Variants in MBTD1 observed in about 807,000 individuals in gnomAD.
MBTD1 encodes the protein mbt domain containing 1, also known as MBT domain-containing protein 1.
A neutral mutation model predicts 87.8 loss-of-function variants in MBTD1; 24 were observed. The ratio of observed to expected loss-of-function variants is 0.27; its 90% CI spans 0.20 to 0.38. MBTD1 has a LOEUF of 0.38. Ranked by LOEUF, MBTD1 falls within the 10% of genes least tolerant of loss-of-function variation. MBTD1 has a pLI of 1.00. For missense variants in MBTD1, 436 were observed against 760.2 expected, an observed-to-expected ratio of 0.57 and a Z score of 5.02; for synonymous variants, 237 against 248.6, an observed-to-expected ratio of 0.95 and a Z score of 0.44.
chr17:51,258,831 C>A (rs922800604), intron 2 of MBTD1, among the ~76,000 whole-genome samples: 1 of 152,184 alleles, frequency 6.6e-6, no homozygotes, highest in African/African-American at 2.4e-5. Flanking sequence ...GGCATGTAAG[C>A]CAGCACACTT....
At position 51,203,273 on chromosome 17, in the gene MBTD1, T is replaced by C. The variant is rs1251625662; in HGVS notation, c.740-45A>G. The C allele has an allele frequency of 5.3e-6, 5 of 949,256 alleles. No individual in the cohort carries two copies. The South Asian group carries it at 1.0e-4, about 19-fold the overall frequency. 58.8% of individuals were successfully genotyped at this position (949,256 alleles called of 1,614,324 possible). The stretch of plus-strand genomic sequence containing the variant: ...CAGTTATACTTTAGCAAAAAAGAAC[T>C]GCTTCATAAATTATTTGTTAAAAAA... On this transcript the variant is annotated intron_variant, in intron 8 of 16. Transcript: ENST00000586178.
intron 2 of MBTD1, 101 bp downstream of exon 2, chr17:51,259,042 G>A (rs895785192): frequency 5.0e-6 from 2 of 397,356 alleles, no homozygotes; most frequent in African/African-American, 4.1e-5. Flanking sequence ...GTCTAATAAG[G>A]GTAGGCAGAC....
intron 2 of MBTD1, among the ~76,000 whole-genome samples, chr17:51,258,008 CAAA>C (rs11324573): frequency 1.0e-4 from 14 of 136,976 alleles, no homozygotes; most frequent in African/African-American, 2.1e-4. Flanking sequence ...GGAGGTGGTG[CAAA>C]AAAAAAAAAA....
chr17:51,230,288 T>A (rs959132093), intron 2 of MBTD1, among the ~76,000 whole-genome samples: 3 of 152,206 alleles, frequency 2.0e-5, no homozygotes, highest in African/African-American at 7.2e-5. Context: ...TGTGGTGTTA[T>A]GAACACAGAA....
At chr17:51,249,563 T>G (rs944998473) in intron 2 of MBTD1, 3 of 152,210 alleles carry the variant, frequency 2.0e-5, no homozygotes, top group African/African-American at 7.2e-5. Context: ...ATCAGCATTT[T>G]CAGTCTTGTA....
At chr17:51,220,183 T>G (rs1054543646) in intron 4 of MBTD1, 147 bp downstream of exon 4, 5 of 657,260 alleles carry the variant, frequency 7.6e-6, no homozygotes, top group Non-Finnish European at 1.2e-5. Flanking sequence ...GAACAAACTT[T>G]GGGGCTCACA....
chr17:51,248,191 A>C (rs2054560892), intron 2 of MBTD1, among the ~76,000 whole-genome samples: 1 of 152,200 alleles, frequency 6.6e-6, no homozygotes, highest in African/African-American at 2.4e-5. Flanking sequence ...TTGGTTCATC[A>C]ACTAGACGTA....
intron 6 of MBTD1, among the ~76,000 whole-genome samples, chr17:51,210,474 G>A (rs116388827): frequency 0.027 from 4,126 of 152,176 alleles, 80 homozygotes; most frequent in African/African-American, 0.049. Flanking sequence ...TTTGAAAGGC[G>A]GCCAGGTGTG....
At chr17:51,190,750 A>AAAAAAATATATAT (rs1555677185) in intron 16 of MBTD1, among the ~76,000 whole-genome samples, 2 of 39,716 alleles carry the variant, frequency 5.0e-5, no homozygotes, top group African/African-American at 3.0e-4. Context: ...AAAAAAAAAA[A>AAAAAAATATATAT]ATATATATAT....
chr17:51,238,743 A>T (rs1222861016), intron 2 of MBTD1, among the ~76,000 whole-genome samples: 1 of 152,206 alleles, frequency 6.6e-6, no homozygotes, highest in East Asian at 1.9e-4. Flanking sequence ...CTGGCTGGGA[A>T]GCTGTAAATA....
At position 51,182,201 on chromosome 17, in the gene MBTD1, T is replaced by C. The variant is rs146684000; in HGVS notation, c.1769-1507A>G. Reference sequence around the variant, plus strand: ...GTGCAGTGGCATGATCTCAACTTACTGCAACTTCTGCCTCCCGGGTTCAAG... The same window carrying C: ...GTGCAGTGGCATGATCTCAACTTACCGCAACTTCTGCCTCCCGGGTTCAAG... On this transcript the variant is annotated intron_variant, in intron 16 of 16. Coordinates refer to ENST00000586178, the MANE Select transcript of MBTD1 (RefSeq NM_017643.3). Among the ~76,000 whole-genome samples the C allele has an allele frequency of 3.7e-3, 567 of 151,474 alleles. 4 individuals carry two copies. The highest frequency in any genetic ancestry group is 0.013 in the African/African-American group (542 of 41,230).
At chr17:51,222,181 C>T (rs1239656581) in intron 3 of MBTD1, among the ~76,000 whole-genome samples, 2 of 152,212 alleles carry the variant, frequency 1.3e-5, no homozygotes, top group Admixed American at 1.3e-4. Context: ...CTGTGTTGTT[C>T]ATCTGCTATC....
At chr17:51,237,669 ACAGT>A (rs2053928448) in intron 2 of MBTD1, among the ~76,000 whole-genome samples, 1 of 152,242 alleles carries the variant, frequency 6.6e-6, no homozygotes, top group African/African-American at 2.4e-5. Context: ...AAAGTCCTCT[ACAGT>A]CAGTGTGGCA....
At position 51,230,241 on chromosome 17, in the gene MBTD1, A is replaced by G. The variant is rs148992458; in HGVS notation, c.-48-5032T>C. On this transcript the variant is annotated intron_variant, in intron 2 of 16. Coordinates refer to ENST00000586178, the MANE Select transcript of MBTD1 (RefSeq NM_017643.3). ...GTTCTAATAGCACTTTGAACTGACA[A>G]TGTGGAAGGGAATGGGACAACCACA... is the stretch of plus-strand genomic sequence containing the variant. 5.2e-3 allele frequency among the ~76,000 whole-genome samples: 785 copies of G among 152,316 alleles called. 7 individuals carry two copies. Among genetic ancestry groups the G allele is most frequent in the African/African-American group, 0.018 (737 of 41,582 alleles).
At chr17:51,244,723 ACATACTTC>A (rs1222794089) in intron 2 of MBTD1, among the ~76,000 whole-genome samples, 1 of 149,284 alleles carries the variant, frequency 6.7e-6, no homozygotes, top group Non-Finnish European at 1.5e-5. Flanking sequence ...TGTCCTTTTG[ACATACTTC>A]CATCTTTTTT....
chr17:51,222,505 A>G (rs1401343077), intron 3 of MBTD1, among the ~76,000 whole-genome samples: 2 of 152,094 alleles, frequency 1.3e-5, no homozygotes, highest in Admixed American at 6.6e-5. Flanking sequence ...TCCGGATTCA[A>G]GCAATTCTCC....
intron 16 of MBTD1, among the ~76,000 whole-genome samples, chr17:51,191,256 ATTTCTT>A (rs1476021276): frequency 7.7e-6 from 1 of 130,138 alleles, no homozygotes; most frequent in South Asian, 2.3e-4. Flanking sequence ...TATAGAAAGA[ATTTCTT>A]TTTTTTTTTT....
In MBTD1 at chr17:51,192,834, A is replaced by G. The variant is rs760983044; in HGVS notation, c.1638T>C (p.Pro546=). ...WVDCESPDLY[P]VGWCQLTGYQ... ...ATCCAGTTAACTGACACCACCCTACAGGATAGAGGTCAGGTGACTCACAGT... is the reference window on the plus strand; with the variant it reads ...ATCCAGTTAACTGACACCACCCTACGGGATAGAGGTCAGGTGACTCACAGT... Residue 546 remains proline (P), a synonymous_variant, in exon 15 of 17, where the codon CCT becomes CCC. Transcript: ENST00000586178. 31 of 1,614,080 alleles carry G rather than the reference A, an allele frequency of 1.9e-5. No individual in the cohort carries two copies. The highest frequency in any genetic ancestry group is 2.5e-5 in the Non-Finnish European group (30 of 1,180,028).
chr17:51,228,845 C>G (rs1189865061), intron 2 of MBTD1, among the ~76,000 whole-genome samples: 1 of 124,956 alleles, frequency 8.0e-6, no homozygotes, highest in African/African-American at 3.1e-5. Context: ...TTGCAGTGAG[C>G]TGAGATGGCG....
Sources: allele counts gnomAD v4.1 joint callset (sites outside exome capture counted in the v4.1 genomes callset), GRCh38; gene constraint gnomAD v4.1.1; transcripts MANE v1.5; gene names NCBI Gene and HGNC (gene_info 2026-07-23, HGNC 2026-07-21).